Variants in KCNH7 observed in about 807,000 individuals in gnomAD.
KCNH7 encodes potassium voltage-gated channel subfamily H member 7, also known as voltage-gated inwardly rectifying potassium channel KCNH7.
A neutral mutation model predicts 120.8 loss-of-function variants in KCNH7; 49 were observed. That is an observed-to-expected ratio of 0.41 (90% confidence interval 0.32 to 0.51). The LOEUF (loss-of-function observed/expected upper bound fraction) is 0.51. Ranked by LOEUF, KCNH7 falls within the 20% of genes least tolerant of loss-of-function variation. KCNH7 has a pLI of 0.38. For synonymous variants in KCNH7, 547 were observed against 516.1 expected (o/e 1.06, Z -0.81); for missense variants, 1,097 against 1,446.6 (o/e 0.76, Z 3.92).
intron 2 of KCNH7, among the ~76,000 whole-genome samples, chr2:162,807,280 A>AAAAAAAAAAAAAC (rs1559143095): frequency 2.1e-5 from 3 of 144,446 alleles, no homozygotes; most frequent in Admixed American, 6.9e-5. Flanking sequence ...AAAAAAAAAA[A>AAAAAAAAAAAAAC]AAACAAATTA....
chr2:162,425,473 G>A (rs1468710610), intron 8 of KCNH7, among the ~76,000 whole-genome samples: 1 of 152,110 alleles, frequency 6.6e-6, no homozygotes, highest in African/African-American at 2.4e-5. Flanking sequence ...TTGAGTAAAT[G>A]AATCATTCTT....
chr2:162,620,956 G>C (rs1368521082), intron 2 of KCNH7, among the ~76,000 whole-genome samples: 1 of 152,114 alleles, frequency 6.6e-6, no homozygotes, highest in Non-Finnish European at 1.5e-5. Context: ...AAAGGCATAA[G>C]CTGGGACTGC....
intron 5 of KCNH7, among the ~76,000 whole-genome samples, chr2:162,509,525 T>C (rs746635304): frequency 1.2e-4 from 18 of 151,674 alleles, no homozygotes; most frequent in Non-Finnish European, 2.4e-4. Context: ...AATTAAACTT[T>C]GTAAAAGAAC....
At chr2:162,818,262 C>A (rs1033140815) in intron 2 of KCNH7, among the ~76,000 whole-genome samples, 7 of 151,824 alleles carry the variant, frequency 4.6e-5, no homozygotes, top group African/African-American at 1.5e-4. Flanking sequence ...AGTATGTAAT[C>A]TAAATCAAAT....
At chr2:162,777,186 T>C (rs1044214904) in intron 2 of KCNH7, among the ~76,000 whole-genome samples, 1 of 152,136 alleles carries the variant, frequency 6.6e-6, no homozygotes, top group Non-Finnish European at 1.5e-5. Flanking sequence ...CCATGGAAGA[T>C]TGGTTCCAGG....
chr2:162,733,256 A>G (rs1026365003), intron 2 of KCNH7, among the ~76,000 whole-genome samples: 3 of 152,160 alleles, frequency 2.0e-5, no homozygotes, highest in East Asian at 1.9e-4. Context: ...CAGATTCTCT[A>G]TTGTCTATAT....
chr2:162,375,895 TAAA>T (rs1224297777), intron 14 of KCNH7, among the ~76,000 whole-genome samples: 9 of 92,112 alleles, frequency 9.8e-5, no homozygotes, highest in Admixed American at 2.5e-4. Context: ...AGACCCTATC[TAAA>T]AAAAAAAAAA....
At position 162,524,837 on chromosome 2, in the gene KCNH7, T is replaced by C. The variant is rs542541762; in HGVS notation, c.464-6679A>G. Among the ~76,000 whole-genome samples, 7 of 152,072 alleles carry C rather than the reference T, an allele frequency of 4.6e-5. No individual in the cohort carries two copies. In the South Asian group the frequency reaches 1.5e-3, roughly 32 times the overall value. ...CAAGGACATGAGTCTCTCCTACTCC[T>C]ACTCCTACATATGTAGGAAGGTATA... On this transcript the variant is annotated intron_variant, in intron 3 of 15. Coordinates refer to ENST00000332142, the MANE Select transcript of KCNH7 (RefSeq NM_033272.4).
chr2:162,451,108 T>G (rs1688755925), intron 6 of KCNH7, among the ~76,000 whole-genome samples: 1 of 152,070 alleles, frequency 6.6e-6, no homozygotes, highest in Non-Finnish European at 1.5e-5. Flanking sequence ...ACAATTGTTC[T>G]GATATGCCAT....
At chr2:162,678,109 A>G (rs1323130851) in intron 2 of KCNH7, among the ~76,000 whole-genome samples, 1 of 150,960 alleles carries the variant, frequency 6.6e-6, no homozygotes, top group African/African-American at 2.4e-5. Flanking sequence ...GTACACATAC[A>G]TACACGTGTG....
chr2:162,378,362 C>A (rs1342503904), intron 14 of KCNH7, among the ~76,000 whole-genome samples: 1 of 152,174 alleles, frequency 6.6e-6, no homozygotes, highest in Non-Finnish European at 1.5e-5. Flanking sequence ...ACAGTGATAG[C>A]ATTTTGCTGA....
intron 9 of KCNH7, among the ~76,000 whole-genome samples, chr2:162,420,374 TCAAAAACAAAAA>T (rs774990501): frequency 7.9e-5 from 12 of 152,212 alleles, no homozygotes; most frequent in South Asian, 2.1e-4. Flanking sequence ...AGACTCCATC[TCAAAAACAAAAA>T]CAAAAACAAA....
chr2:162,613,020 G>A (rs1027469430), intron 2 of KCNH7, among the ~76,000 whole-genome samples: 56 of 151,914 alleles, frequency 3.7e-4, no homozygotes, highest in African/African-American at 1.2e-3. Context: ...ATTTACTTGG[G>A]CTTCTGGTAA....
At chr2:162,449,761 C>T (rs542303709) in intron 6 of KCNH7, among the ~76,000 whole-genome samples, 23 of 152,194 alleles carry the variant, frequency 1.5e-4, no homozygotes, top group African/African-American at 4.6e-4. Flanking sequence ...ATCTTGATTT[C>T]AGACTTCTAG....
intron 2 of KCNH7, among the ~76,000 whole-genome samples, chr2:162,719,886 T>A (rs1270064170): frequency 6.6e-6 from 1 of 152,094 alleles, no homozygotes; most frequent in African/African-American, 2.4e-5. Flanking sequence ...CCCTGCAACC[T>A]TATTTAATAA....
chr2:162,682,975 T>C (rs1044285333), intron 2 of KCNH7, among the ~76,000 whole-genome samples: 1 of 151,880 alleles, frequency 6.6e-6, no homozygotes, highest in East Asian at 1.9e-4. Context: ...TAATATAGGA[T>C]AGTCTAATTT....
chr2:162,836,388 T>C (rs1275686263), intron 2 of KCNH7, 149 bp downstream of exon 2: 1 of 630,114 alleles, frequency 1.6e-6, no homozygotes, highest in Admixed American at 2.9e-5. Context: ...CTAATCAGAA[T>C]ACCCATATAT....
At chr2:162,707,825 T>C (rs1686768649) in intron 2 of KCNH7, among the ~76,000 whole-genome samples, 1 of 152,096 alleles carries the variant, frequency 6.6e-6, no homozygotes. Flanking sequence ...GACCTCCTGG[T>C]GGTTTCTAGA....
chr2:162,614,889 T>C (rs1307557469), intron 2 of KCNH7, among the ~76,000 whole-genome samples: 2 of 151,900 alleles, frequency 1.3e-5, no homozygotes, highest in Non-Finnish European at 2.9e-5. Flanking sequence ...TTCAAGTGTG[T>C]TCATTATATT....
Sources: gnomAD v4.1 joint callset for allele counts (sites outside exome capture counted in the v4.1 genomes callset) on GRCh38, gnomAD v4.1.1 for gene constraint, MANE v1.5 for transcripts, NCBI Gene and HGNC (gene_info 2026-07-23, HGNC 2026-07-21) for gene names.